GRM7: variants seen among roughly 807,000 people sequenced by gnomAD.
GRM7 encodes the protein metabotropic glutamate receptor 7.
Under a neutral mutation model 84.5 loss-of-function variants are expected in GRM7, and 35 were observed. The ratio of observed to expected loss-of-function variants is 0.41; its 90% confidence interval spans 0.32 to 0.55. GRM7 has a LOEUF of 0.55. Ranked by LOEUF, GRM7 falls within the 20% of genes least tolerant of loss-of-function variation. The pLI is 0.19. For missense variants in GRM7, 1,003 were observed against 1,194.6 expected (o/e 0.84, Z 2.36); for synonymous variants, 487 against 455.1 (o/e 1.07, Z -0.89).
At chr3:7,619,344 T>C (rs544947884) in intron 8 of GRM7, among the ~76,000 whole-genome samples, 1 of 152,050 alleles carries the variant, frequency 6.6e-6, no homozygotes, top group African/African-American at 2.4e-5. Context: ...AATGTTTAAA[T>C]TGGACAGCAC....
At chr3:7,424,473 T>A (rs976145389) in intron 5 of GRM7, among the ~76,000 whole-genome samples, 1 of 152,150 alleles carries the variant, frequency 6.6e-6, no homozygotes, top group South Asian at 2.1e-4. Context: ...TTCTAGTTGA[T>A]CCCCATATCA....
chr3:7,224,260 C>A (rs1264832299), intron 2 of GRM7, among the ~76,000 whole-genome samples: 1 of 152,114 alleles, frequency 6.6e-6, no homozygotes, highest in Non-Finnish European at 1.5e-5. Context: ...TATTACATGA[C>A]CAGAGTCAGA....
chr3:7,300,776 C>CA, intron 3 of GRM7, among the ~76,000 whole-genome samples: 1 of 150,648 alleles, frequency 6.6e-6, no homozygotes, highest in South Asian at 2.1e-4. Flanking sequence ...CATACTCACT[C>CA]AGTTTCATTG....
intron 4 of GRM7, among the ~76,000 whole-genome samples, chr3:7,385,224 T>G (rs55787808): frequency 0.52 from 77,958 of 149,876 alleles, 20,938 homozygotes; most frequent in Non-Finnish European, 0.61. Flanking sequence ...TTATATTTAT[T>G]TAAAGGAGTA....
chr3:7,116,580 T>C (rs1693042196), intron 1 of GRM7, among the ~76,000 whole-genome samples: 1 of 152,136 alleles, frequency 6.6e-6, no homozygotes, highest in African/African-American at 2.4e-5. Flanking sequence ...AAAAAACCCA[T>C]ATGATTACTT....
intron 1 of GRM7, among the ~76,000 whole-genome samples, chr3:6,948,576 T>A (rs1280193146): frequency 1.3e-5 from 2 of 152,190 alleles, no homozygotes; most frequent in Admixed American, 1.3e-4. Context: ...TAGGTCCGCT[T>A]GGTGCAGAGC....
Position 7,740,505 on chromosome 3 carries a change from C to G in GRM7, c.*99C>G. 1.6e-6 allele frequency: 1 copy of G among 639,224 alleles called. No homozygotes were observed. 39.6% of individuals were successfully genotyped at this position (639,224 alleles called of 1,614,324 possible). ...TTTGGTCCTACCCGCTTCCCATCAC[C>G]GGAGGAGCTTCCCCGGCCGGGAGAC... On this transcript the variant is annotated 3_prime_UTR_variant, in exon 10 of 10. Coordinates refer to ENST00000357716, the MANE Select transcript of GRM7 (RefSeq NM_000844.4).
At chr3:7,494,025 G>A (rs1485474681) in intron 7 of GRM7, among the ~76,000 whole-genome samples, 1 of 152,038 alleles carries the variant, frequency 6.6e-6, no homozygotes, top group Non-Finnish European at 1.5e-5. Flanking sequence ...GTCATCAAAT[G>A]TGATTTAGAA....
chr3:7,256,871 C>A (rs1346775973), intron 2 of GRM7, among the ~76,000 whole-genome samples: 1 of 152,108 alleles, frequency 6.6e-6, no homozygotes, highest in Non-Finnish European at 1.5e-5. Context: ...GCTGAGAGAA[C>A]CTAAGATAAA....
chr3:7,685,397 A>G (rs972541891), intron 9 of GRM7, among the ~76,000 whole-genome samples: 2 of 152,270 alleles, frequency 1.3e-5, no homozygotes, highest in Middle Eastern at 3.4e-3. Flanking sequence ...AAATACTTCA[A>G]GGACCTTAGC....
intron 8 of GRM7, among the ~76,000 whole-genome samples, chr3:7,638,666 A>T (rs557780117): frequency 6.6e-6 from 1 of 152,326 alleles, no homozygotes; most frequent in African/African-American, 2.4e-5. Context: ...CCATAATCCA[A>T]ATGGAAGGCC....
chr3:6,911,141 C>T (rs1484223076), intron 1 of GRM7, among the ~76,000 whole-genome samples: 2 of 152,150 alleles, frequency 1.3e-5, no homozygotes, highest in African/African-American at 4.8e-5. Context: ...AGATTTATTT[C>T]TCTGCTTATG....
At chr3:6,884,816 T>C (rs1313610269) in intron 1 of GRM7, among the ~76,000 whole-genome samples, 1 of 152,100 alleles carries the variant, frequency 6.6e-6, no homozygotes, top group Non-Finnish European at 1.5e-5. Context: ...TCCAGGCTGG[T>C]CTCAAACTCC....
chr3:7,239,737 G>A (rs529682912), intron 2 of GRM7, among the ~76,000 whole-genome samples: 25 of 152,166 alleles, frequency 1.6e-4, no homozygotes, highest in Middle Eastern at 6.8e-3. Flanking sequence ...TTGATTAACC[G>A]GTTTTCTGAA....
intron 1 of GRM7, among the ~76,000 whole-genome samples, chr3:7,059,716 G>A (rs910088800): frequency 2.0e-5 from 3 of 151,592 alleles, no homozygotes; most frequent in Non-Finnish European, 4.4e-5. Flanking sequence ...GAGTCATAAG[G>A]GTGAGACCCT....
chr3:7,366,790 C>G (rs1434124055), intron 4 of GRM7, among the ~76,000 whole-genome samples: 2 of 151,788 alleles, frequency 1.3e-5, no homozygotes, highest in Non-Finnish European at 2.9e-5. Flanking sequence ...AATTATCACT[C>G]TACTCTCTTA....
intron 4 of GRM7, among the ~76,000 whole-genome samples, chr3:7,374,360 A>G (rs879318051): frequency 6.6e-6 from 1 of 151,898 alleles, no homozygotes; most frequent in Non-Finnish European, 1.5e-5. Flanking sequence ...TAATATTTTT[A>G]TTGAGGCCAC....
intron 1 of GRM7, among the ~76,000 whole-genome samples, chr3:7,122,085 A>T (rs141005629): frequency 6.6e-6 from 1 of 152,218 alleles, no homozygotes; most frequent in African/African-American, 2.4e-5. Flanking sequence ...GACCAAATAA[A>T]ATCTCTTTTC....
At chr3:7,487,742 G>C (rs1027667005) in intron 7 of GRM7, among the ~76,000 whole-genome samples, 3 of 152,220 alleles carry the variant, frequency 2.0e-5, no homozygotes, top group Admixed American at 6.5e-5. Flanking sequence ...TGGGGGCCCA[G>C]GCAGAGACTT....
Sources: gnomAD v4.1 joint callset for allele counts (sites outside exome capture counted in the v4.1 genomes callset) on GRCh38, gnomAD v4.1.1 for gene constraint, MANE v1.5 for transcripts, NCBI Gene and HGNC (gene_info 2026-07-23, HGNC 2026-07-21) for gene names.